The following FASN variants were observed in gnomAD, a reference collection of about 807,000 sequenced individuals.
The protein encoded by FASN is fatty acid synthase, also known as 3-hydroxyacyl-[acyl-carrier-protein] dehydratase.
Under a neutral mutation model 250.0 loss-of-function variants are expected in FASN, and 50 were observed. That is an observed-to-expected ratio of 0.20 (90% confidence interval 0.16 to 0.25). The LOEUF is 0.25. Among genes scored for constraint, FASN ranks in the 10% least tolerant of loss-of-function variants. The pLI is 1.00. For synonymous variants in FASN, 1,909 were observed against 1,584.0 expected (o/e 1.21, Z -4.87); for missense variants, 3,031 against 3,498.5 (o/e 0.87, Z 3.37).
At chr17:82,096,602 T>C (rs1277099381) in intron 1 of FASN, 150 bp from the exon 2 acceptor site, 4 of 1,243,878 alleles carry the variant, frequency 3.2e-6, no homozygotes, top group South Asian at 2.5e-5. Context: ...CCCTTCCTCA[T>C]GTGGCCAGTT....
In FASN at chr17:82,079,406, G is replaced by A. The variant is rs776351410; in HGVS notation, c.7349C>T (p.Thr2450Met). The change falls in exon 42 of 43, where the codon ACG becomes ATG. Residue 2450 changes from threonine (T) to methionine (M), a missense_variant. Thr to Met is a moderately conservative substitution (Grantham distance 81). Transcript: ENST00000306749. ...CAGGTCCTCGCCGTAGGCGCCACCC[G>A]TCTTGGCGCGCAGTAGCATCACGTT... The part of the protein sequence containing the change: ...HGNVMLLRAK[T>M]GGAYGEDLGA... The A allele has an allele frequency of 7.4e-6, 12 of 1,612,902 alleles. No homozygotes were observed. In the South Asian group the frequency reaches 8.8e-5, roughly 12 times the overall value.
Position 82,088,108 on chromosome 17 carries a change from C to A in FASN, c.2785+8G>T, listed in dbSNP as rs1468329929. The A allele has an allele frequency of 6.2e-7, 1 of 1,612,772 alleles. No individual in the cohort carries two copies. The highest frequency in any genetic ancestry group is 1.3e-5 in the African/African-American group (1 of 75,060). ...CTACCCCCGCCTTGGTCCTGGGGTA[C>A]CCCTCACCAGTCTTGGGCAGGATGG... On this transcript the variant is annotated splice_region_variant and intron_variant, in intron 17 of 42. Coordinates refer to ENST00000306749, the MANE Select transcript of FASN (RefSeq NM_004104.5).
intron 9 of FASN, 43 bp from the exon 10 acceptor site, chr17:82,091,112 C>A: frequency 3.1e-6 from 5 of 1,606,700 alleles, no homozygotes; most frequent in Non-Finnish European, 4.2e-6. Flanking sequence ...CCATCCCGTG[C>A]CACTGTGTGC....
chr17:82,084,008 GGGCGAT>G lies in FASN; in HGVS notation c.5059_5064del (p.Ile1687_Ala1688del), dbSNP rs2034040691. 6.5e-7 allele frequency: 1 copy of G among 1,539,080 alleles called. No individual in the cohort carries two copies. The highest frequency in any genetic ancestry group is 8.7e-7 in the Non-Finnish European group (1 of 1,145,436). Reference sequence around the variant, plus strand: ...GTGAAGACGCGGCAGCCCAGACTGAGGGCGATGGCGATGGCGGCCTGGCCCACGCCG... The same window carrying G: ...GTGAAGACGCGGCAGCCCAGACTGAGGGCGATGGCGGCCTGGCCCACGCCG... On this transcript the variant is annotated inframe_deletion, in exon 29 of 43. Coordinates refer to ENST00000306749, the MANE Select transcript of FASN (RefSeq NM_004104.5).
chr17:82,087,381 T>C lies in FASN; in HGVS notation c.3167A>G (p.His1056Arg), dbSNP rs1251431363. The change falls in exon 20 of 43, where the codon CAC (histidine) becomes CGC (arginine). Residue 1056 changes from histidine (H) to arginine (R), a missense_variant. Transcript: ENST00000306749. Reference sequence around the variant, plus strand: ...CTGCCTGTGGGTGGCAGGGTCGATGTGGATGGCGGTGACACGGGTGGGCAG... The same window carrying C: ...CTGCCTGTGGGTGGCAGGGTCGATGCGGATGGCGGTGACACGGGTGGGCAG... ...LYLPTRVTAI[H>R]IDPATHRQKL... 1 of 1,612,536 alleles carries C rather than the reference T, an allele frequency of 6.2e-7. No homozygotes were observed. The highest frequency in any genetic ancestry group is 1.3e-5 in the African/African-American group (1 of 74,908).
chr17:82,086,175 G>A (rs1235425798), intron 22 of FASN, 79 bp downstream of exon 22: 1 of 1,532,862 alleles, frequency 6.5e-7, no homozygotes, highest in East Asian at 2.4e-5. Flanking sequence ...CCCCGTGTCT[G>A]TGCTGTCTCC....
Position 82,088,939 on chromosome 17 carries a change from C to G in FASN, c.2304+30G>C, listed in dbSNP as rs542069876. The G allele has an allele frequency of 5.0e-6, 8 of 1,607,556 alleles. No individual in the cohort carries two copies. In the African/African-American group the frequency reaches 9.4e-5, roughly 19 times the overall value. ...AGCTGAGGCGCCCATCCCAGGCTCC[C>G]GGCGCCTGCTGCCCCCAGGCTGGGC... On this transcript the variant is annotated intron_variant, in intron 14 of 42. Coordinates refer to ENST00000306749, the MANE Select transcript of FASN (RefSeq NM_004104.5).
In FASN at chr17:82,085,366, G is replaced by A. The variant is rs143896704; in HGVS notation, c.4159C>T (p.Arg1387Cys). The A allele has an allele frequency of 2.6e-4, 420 of 1,611,460 alleles. No homozygotes were observed. Among genetic ancestry groups the A allele is most frequent in the Non-Finnish European group, 3.2e-4 (382 of 1,179,552 alleles). Residue 1387 changes from arginine to cysteine, a missense_variant, in exon 24 of 43, where the codon CGC becomes TGC. Arg to Cys is a radical substitution (Grantham distance 180). Transcript: ENST00000306749. ...AAGGACTTCTTCAGGCCCACCAGGC[G>A]CAGCGACACCCTGGAGAAGAGGCTC... ...WESLFSRVSL[R>C]LVGLKKSFYG...
Position 82,085,126 on chromosome 17 carries a change from G to A in FASN, c.4318C>T (p.Pro1440Ser), listed in dbSNP as rs769869660. The A allele has an allele frequency of 2.7e-5, 44 of 1,612,516 alleles. No individual in the cohort carries two copies. Among genetic ancestry groups the A allele is most frequent in the East Asian group, 4.5e-5 (2 of 44,878 alleles). ...CAGTTGATGGCCTTCAGCCACACAG[G>A]CCGGGAAGAGTCTTCGTCAGCCAGG... The part of the protein sequence containing the change: ...GILADEDSSR[P>S]VWLKAINCAT... The change falls in exon 25 of 43, where the codon CCT becomes TCT. Residue 1440 changes from proline (P) to serine (S), a missense_variant. Coordinates refer to ENST00000306749, the MANE Select transcript of FASN (RefSeq NM_004104.5).
rs545962961 is a variant in FASN at position 82,082,866 on chromosome 17, G to C, written c.5767+48C>G. ...CTGCAGAGAAGGGCTCAGGGGCCCG[G>C]GGCTGTGCCTGGCCCAGGCTGGTCC... On this transcript the variant is annotated intron_variant, in intron 33 of 42. Transcript: ENST00000306749. 4.7e-4 allele frequency: 751 copies of C among 1,604,162 alleles called. 1 individual carries two copies. Among genetic ancestry groups the C allele is most frequent in the South Asian group, 2.6e-3 (239 of 90,462 alleles).
At position 82,082,674 on chromosome 17, in the gene FASN, G is replaced by A. The variant is rs768226050; in HGVS notation, c.5772C>T (p.Tyr1924=). The change falls in exon 34 of 43, where the codon TAC becomes TAT. Residue 1924 remains tyrosine (Y), a synonymous_variant. Transcript: ENST00000306749. ...TCCACCGGCGGACCTGCTTGGCCTG[G>A]TAGCCTGCGGGACACAGGACTGTGG... is the stretch of plus-strand genomic sequence containing the variant. ...LTSRSGIRTG[Y]QAKQVRRWRR... is the part of the protein sequence containing the mutation. 4 of 1,608,622 alleles carry A rather than the reference G, an allele frequency of 2.5e-6. No individual in the cohort carries two copies. Among genetic ancestry groups the A allele is most frequent in the Non-Finnish European group, 3.4e-6 (4 of 1,179,834 alleles).
At position 82,086,860 on chromosome 17, in the gene FASN, C is replaced by T. The variant is rs1263775755; in HGVS notation, c.3427+190G>A. On this transcript the variant is annotated intron_variant, in intron 21 of 42. Transcript: ENST00000306749. ...CCTTTCAAGACTGAGGAACAGTGAC[C>T]AGGGACGAGGAAGGCTGGGGGCTGG... Among the ~76,000 whole-genome samples the T allele has an allele frequency of 2.0e-5, 3 of 149,784 alleles. No homozygotes were observed. In the East Asian group the frequency reaches 6.0e-4, roughly 30 times the overall value.
At position 82,086,467 on chromosome 17, in the gene FASN, G is replaced by A. The variant is rs1186376098; in HGVS notation, c.3519C>T (p.Pro1173=). The change falls in exon 22 of 43, where the codon CCC becomes CCT. Residue 1173 remains proline (P), a synonymous_variant. Coordinates refer to ENST00000306749, the MANE Select transcript of FASN (RefSeq NM_004104.5). ...ACAGCCGGGGCAGTTCCTGCTGTGA[G>A]GGGTCCCGGGGGATCTGGGCCCCAT... is the stretch of plus-strand genomic sequence containing the variant. ...GLDGAQIPRD[P]SQQELPRLLS... 1.2e-6 allele frequency: 2 copies of A among 1,612,416 alleles called. No homozygotes were observed. The highest frequency in any genetic ancestry group is 1.7e-5 in the Admixed American group (1 of 60,026).
At chr17:82,080,110 C>G in intron 41 of FASN, 30 bp downstream of exon 41, 1 of 1,604,130 alleles carries the variant, frequency 6.2e-7, no homozygotes, top group Non-Finnish European at 8.5e-7. Flanking sequence ...TACTCTGGGT[C>G]CTGCGGCCTC....
chr17:82,093,481 C>T (rs940555538), intron 4 of FASN, 62 bp from the exon 5 acceptor site: 32 of 1,580,850 alleles, frequency 2.0e-5, no homozygotes, highest in Middle Eastern at 2.1e-4. Flanking sequence ...CTGAGCACAC[C>T]TCCTGCCACC....
In FASN at chr17:82,094,136, G is replaced by A. The variant is rs1225725789; in HGVS notation, c.281-365C>T. Reference sequence around the variant, plus strand: ...GACGCCTTTGGCCCCTGGTGTCACCGGCAGCTCTGATGAGCCCGTCGGCCA... The same window carrying A: ...GACGCCTTTGGCCCCTGGTGTCACCAGCAGCTCTGATGAGCCCGTCGGCCA... On this transcript the variant is annotated intron_variant, in intron 3 of 42. Transcript: ENST00000306749. 2.9e-5 allele frequency: 11 copies of A among 383,734 alleles called. 1 individual carries two copies. Among genetic ancestry groups the A allele is most frequent in the East Asian group, 2.5e-4 (4 of 16,218 alleles). The allele number at this position is 383,734 out of a possible 1,614,324, so 23.8% of individuals were successfully genotyped here.
rs1323505490 is a variant in FASN, at chr17:82,086,576, C to A, written c.3428-18G>T. The A allele has an allele frequency of 1.9e-6, 3 of 1,592,120 alleles. No individual in the cohort carries two copies. In the African/African-American group the frequency reaches 4.0e-5, roughly 21 times the overall value. On this transcript the variant is annotated intron_variant, in intron 21 of 42. Transcript: ENST00000306749. ...CACCAGCCCTGGGGAGGGAGGGAGG[C>A]AGGCCTGGTGTTCCCAAAGCCCCAG...
chr17:82,084,696 C>T lies in FASN; in HGVS notation c.4585G>A (p.Ala1529Thr), dbSNP rs772716525. 5.1e-6 allele frequency: 8 copies of T among 1,569,886 alleles called. No individual in the cohort carries two copies. In the South Asian group the frequency reaches 8.1e-5, roughly 16 times the overall value. Residue 1529 changes from alanine to threonine, a missense_variant, in exon 27 of 43, where the codon GCA (alanine) becomes ACA (threonine). Transcript: ENST00000306749. ...LEEDKPEEPT[A>T]HAFVSTLTRG... Reference sequence around the variant, plus strand: ...GTGAGGGTGCTCACAAAGGCATGTGCCGTCGGCTCCTCAGGCTTGTCTAGG... The same window carrying T: ...GTGAGGGTGCTCACAAAGGCATGTGTCGTCGGCTCCTCAGGCTTGTCTAGG...
intron 41 of FASN, 131 bp from the exon 42 acceptor site, chr17:82,079,739 C>T (rs1215397724): frequency 4.7e-6 from 6 of 1,290,092 alleles, no homozygotes; most frequent in South Asian, 1.5e-5. Context: ...TGGAGTGGGG[C>T]GATCTCAGCT....
Sources: allele counts gnomAD v4.1 joint callset (sites outside exome capture counted in the v4.1 genomes callset), GRCh38; gene constraint gnomAD v4.1.1; transcripts MANE v1.5; gene names NCBI Gene and HGNC (gene_info 2026-07-23, HGNC 2026-07-21).